The following AGBL1 variants were observed in gnomAD, a reference collection of about 807,000 sequenced individuals.
AGBL1 encodes the protein AGBL carboxypeptidase 1, also known as cytosolic carboxypeptidase 4.
A neutral mutation model predicts 118.9 loss-of-function variants in AGBL1; 130 were observed. The observed-to-expected ratio is 1.09, with a 90% CI of 0.95 to 1.26. The LOEUF (loss-of-function observed/expected upper bound fraction) is 1.26. Among genes scored for constraint, AGBL1 ranks in the 50% most tolerant of loss-of-function variants. The pLI, the probability that AGBL1 is intolerant of heterozygous loss-of-function variation, is 0.00. For missense variants in AGBL1, 1,584 were observed against 1,298.1 expected (o/e 1.22, Z -3.38); for synonymous variants, 555 against 478.9 (o/e 1.16, Z -2.08).
At chr15:86,979,864 C>T (rs1485134224) in intron 23 of AGBL1, among the ~76,000 whole-genome samples, 1 of 152,126 alleles carries the variant, frequency 6.6e-6, no homozygotes, top group Non-Finnish European at 1.5e-5. Flanking sequence ...TTGGCCCCAT[C>T]TCATACACAT....
intron 18 of AGBL1, among the ~76,000 whole-genome samples, chr15:86,433,835 G>C (rs1272149540): frequency 3.3e-5 from 5 of 152,190 alleles, no homozygotes; most frequent in Non-Finnish European, 4.4e-5. Flanking sequence ...TGAAATAACA[G>C]CATCTTTCTC....
chr15:86,575,725 G>C (rs898115485), intron 21 of AGBL1, among the ~76,000 whole-genome samples: 21 of 151,850 alleles, frequency 1.4e-4, no homozygotes, highest in African/African-American at 4.1e-4. Flanking sequence ...AAGCGACTGG[G>C]CCTACAGGTA....
At chr15:87,019,681 A>C (rs1366305819) in intron 24 of AGBL1, among the ~76,000 whole-genome samples, 2 of 152,136 alleles carry the variant, frequency 1.3e-5, no homozygotes, top group Non-Finnish European at 2.9e-5. Flanking sequence ...GAAAAGTCTC[A>C]AGTTAACAAC....
intron 21 of AGBL1, among the ~76,000 whole-genome samples, chr15:86,671,877 C>A (rs2085752946): frequency 6.6e-6 from 1 of 152,108 alleles, no homozygotes; most frequent in Non-Finnish European, 1.5e-5. Context: ...GGTATGTGCT[C>A]CATGCCAGAG....
chr15:86,889,416 A>G lies in AGBL1; in HGVS notation c.3159-17671A>G, dbSNP rs576207983. On this transcript the variant is annotated intron_variant, in intron 22 of 22. Transcript: ENST00000614907. Reference sequence around the variant, plus strand: ...ACTGTTATTTTAAGTTCTCAAGTACATGTGTAGGATGTGCAGGTTTCTTAC... The same window carrying G: ...ACTGTTATTTTAAGTTCTCAAGTACGTGTGTAGGATGTGCAGGTTTCTTAC... Among the ~76,000 whole-genome samples, 8 of 152,016 alleles carry G rather than the reference A, an allele frequency of 5.3e-5. No individual in the cohort carries two copies. In the East Asian group the frequency reaches 1.4e-3, roughly 26 times the overall value.
chr15:86,830,253 A>G (rs573971706), intron 22 of AGBL1, among the ~76,000 whole-genome samples: 26 of 152,270 alleles, frequency 1.7e-4, no homozygotes, highest in Middle Eastern at 3.4e-3. Context: ...GATGCTGAAT[A>G]TTTTTAGGAC....
intron 21 of AGBL1, among the ~76,000 whole-genome samples, chr15:86,618,283 T>C (rs1370879703): frequency 6.6e-6 from 1 of 152,196 alleles, no homozygotes; most frequent in Non-Finnish European, 1.5e-5. Context: ...CTTGGTGCTA[T>C]GGCAACTTAT....
At chr15:86,517,125 C>T (rs2083131064) in intron 18 of AGBL1, among the ~76,000 whole-genome samples, 1 of 152,212 alleles carries the variant, frequency 6.6e-6, no homozygotes, top group Non-Finnish European at 1.5e-5. Context: ...GGGAGTGTCT[C>T]CAAGCTTTTG....
chr15:86,252,277 A>G (rs925963749), intron 7 of AGBL1, among the ~76,000 whole-genome samples: 1 of 152,240 alleles, frequency 6.6e-6, no homozygotes. Flanking sequence ...TCTGGCCAAC[A>G]AGACCAATGA....
chr15:86,210,471 T>A (rs547964371), intron 5 of AGBL1, among the ~76,000 whole-genome samples: 1 of 152,216 alleles, frequency 6.6e-6, no homozygotes, highest in African/African-American at 2.4e-5. Flanking sequence ...GTATATTTGG[T>A]CTTTCCCATA....
At chr15:86,409,911 T>G (rs375137734) in intron 18 of AGBL1, among the ~76,000 whole-genome samples, 1 of 152,150 alleles carries the variant, frequency 6.6e-6, no homozygotes, top group Non-Finnish European at 1.5e-5. Flanking sequence ...CGTGCAGGGA[T>G]GCAGGGATAG....
At chr15:86,729,339 A>G (rs1427076870) in intron 22 of AGBL1, among the ~76,000 whole-genome samples, 1 of 152,090 alleles carries the variant, frequency 6.6e-6, no homozygotes, top group Non-Finnish European at 1.5e-5. Flanking sequence ...TATGTGTATA[A>G]ATTGTGTGTC....
At chr15:86,856,635 T>G (rs145808215) in intron 22 of AGBL1, among the ~76,000 whole-genome samples, 2,051 of 152,346 alleles carry the variant, frequency 0.013, 33 homozygotes, top group South Asian at 0.067. Context: ...GTGTGCATTG[T>G]CCTTCACAGC....
chr15:86,850,358 T>C (rs1219198601), intron 22 of AGBL1, among the ~76,000 whole-genome samples: 3 of 152,254 alleles, frequency 2.0e-5, no homozygotes, highest in African/African-American at 7.2e-5. Context: ...CATTGCTTTA[T>C]TTGACTTCCC....
intron 1 of AGBL1, among the ~76,000 whole-genome samples, chr15:86,129,731 TA>T (rs922399338): frequency 6.6e-6 from 1 of 152,074 alleles, no homozygotes; most frequent in Non-Finnish European, 1.5e-5. Flanking sequence ...TCTTTCCCAT[TA>T]AAAAAATAAT....
At chr15:86,712,177 G>C (rs2086570967) in intron 22 of AGBL1, among the ~76,000 whole-genome samples, 1 of 152,068 alleles carries the variant, frequency 6.6e-6, no homozygotes, top group Non-Finnish European at 1.5e-5. Context: ...TGAGAATATT[G>C]TTAAAATTTT....
chr15:86,927,747 A>T (rs766992469), intron 23 of AGBL1, among the ~76,000 whole-genome samples: 33 of 152,144 alleles, frequency 2.2e-4, no homozygotes, highest in Non-Finnish European at 4.1e-4. Flanking sequence ...AGCATACTAG[A>T]AATGTCAATC....
intron 16 of AGBL1, among the ~76,000 whole-genome samples, chr15:86,280,413 T>C (rs2141719636): frequency 6.6e-6 from 1 of 152,298 alleles, no homozygotes; most frequent in East Asian, 1.9e-4. Context: ...CATTCCTGTG[T>C]ACCATAAGGC....
intron 7 of AGBL1, among the ~76,000 whole-genome samples, chr15:86,249,914 A>G (rs1398992986): frequency 6.6e-6 from 1 of 152,188 alleles, no homozygotes; most frequent in Non-Finnish European, 1.5e-5. Flanking sequence ...ACAGTTCCTT[A>G]TCAGGTCAGT....
Sources: allele counts gnomAD v4.1 joint callset (sites outside exome capture counted in the v4.1 genomes callset), GRCh38; gene constraint gnomAD v4.1.1; transcripts MANE v1.5; gene names NCBI Gene and HGNC (gene_info 2026-07-23, HGNC 2026-07-21).